The following VGLL3 variants were observed in gnomAD, a reference collection of about 807,000 sequenced individuals.
The protein encoded by VGLL3 is transcription cofactor vestigial-like protein 3.
A neutral mutation model predicts 29.2 loss-of-function variants in VGLL3; 18 were observed. That is an observed-to-expected ratio of 0.62 (90% CI 0.43 to 0.91). The LOEUF is 0.91. VGLL3 is among the 40% of genes least tolerant of loss of function. The probability of loss-of-function intolerance (pLI) is 0.00; values close to 1 mark genes in which losing one functional copy is unlikely to be tolerated. For missense variants in VGLL3, 440 were observed against 413.2 expected (o/e 1.06, Z -0.56); for synonymous variants, 180 against 151.8 (o/e 1.19, Z -1.36).
rs1312851962 is a variant in VGLL3 at position 86,941,440 on chromosome 3, C to T, written c.*5584G>A. 1 of 151,416 alleles carries T rather than the reference C, an allele frequency of 6.6e-6. No homozygotes were observed. Among genetic ancestry groups the T allele is most frequent in the East Asian group, 1.9e-4 (1 of 5,142 alleles). 9.4% of individuals were successfully genotyped at this position (151,416 alleles called of 1,614,324 possible). A position where few individuals can be genotyped will look rare whatever the true frequency, so the allele number is the denominator to read the frequency against. On this transcript the variant is annotated 3_prime_UTR_variant, in exon 4 of 4. Coordinates refer to ENST00000398399, the MANE Select transcript of VGLL3 (RefSeq NM_016206.4). The stretch of plus-strand genomic sequence containing the variant: ...TTATTCTTATGCCAAATTTAGTAGT[C>T]TAGAAATTGTTTTTTTTTTTAAAAA...
intron 1 of VGLL3, among the ~76,000 whole-genome samples, chr3:86,988,474 A>G (rs1053432032): frequency 2.6e-5 from 4 of 151,684 alleles, no homozygotes; most frequent in African/African-American, 9.7e-5. Flanking sequence ...CATAGTCTAA[A>G]AATGCTGTCA....
chr3:86,984,995 A>G (rs1705407408), intron 1 of VGLL3, among the ~76,000 whole-genome samples: 1 of 152,202 alleles, frequency 6.6e-6, no homozygotes, highest in Non-Finnish European at 1.5e-5. Context: ...AATAAAAAAG[A>G]ACTGAAATGG....
intron 3 of VGLL3, among the ~76,000 whole-genome samples, chr3:86,954,545 A>G (rs1399529888): frequency 1.3e-5 from 2 of 152,218 alleles, no homozygotes; most frequent in African/African-American, 4.8e-5. Flanking sequence ...CAGGATATAA[A>G]GTTACAAATC....
intron 2 of VGLL3, among the ~76,000 whole-genome samples, chr3:86,973,591 A>G (rs1898268): frequency 0.088 from 13,380 of 152,120 alleles, 1,559 homozygotes; most frequent in African/African-American, 0.27. Flanking sequence ...GTTTCAAGGG[A>G]TGATGTCAGA....
In VGLL3 at chr3:86,938,178, T is replaced by A. The variant is rs1197031267; in HGVS notation, c.*8846A>T. 1 of 152,150 alleles carries A rather than the reference T, an allele frequency of 6.6e-6. No homozygotes were observed. The highest frequency in any genetic ancestry group is 2.4e-5 in the African/African-American group (1 of 41,442). 9.4% of individuals were successfully genotyped at this position (152,150 alleles called of 1,614,324 possible). On this transcript the variant is annotated 3_prime_UTR_variant, in exon 4 of 4. Transcript: ENST00000398399. ...ATTGACACATAAAAGTTATATATAT[T>A]TAAGGTATACGATATGATGATTTGA...
intron 1 of VGLL3, among the ~76,000 whole-genome samples, chr3:86,987,146 C>T (rs1476544261): frequency 6.6e-6 from 1 of 152,116 alleles, no homozygotes; most frequent in African/African-American, 2.4e-5. Flanking sequence ...AAATCTTTAG[C>T]TAGGCATTTC....
intron 3 of VGLL3, among the ~76,000 whole-genome samples, chr3:86,954,913 A>G (rs1439245480): frequency 8.5e-5 from 13 of 152,108 alleles, no homozygotes; most frequent in Admixed American, 3.9e-4. Context: ...AAAAAAAAAA[A>G]AGCTTGGATC....
Position 86,968,091 on chromosome 3 carries a change from GA to G in VGLL3, c.937+498del, listed in dbSNP as rs1374666834. ...GAGGGGAGAGGAGGAAGAAAATGAAGAAAAAAATCATTCTTTTAAAATATGT... is the reference window on the plus strand; with the variant it reads ...GAGGGGAGAGGAGGAAGAAAATGAAGAAAAAATCATTCTTTTAAAATATGT... On this transcript the variant is annotated intron_variant, in intron 3 of 3. Coordinates refer to ENST00000398399, the MANE Select transcript of VGLL3 (RefSeq NM_016206.4). Among the ~76,000 whole-genome samples, 3 of 151,690 alleles carry G rather than the reference GA, an allele frequency of 2.0e-5. No individual in the cohort carries two copies. The East Asian group carries it at 5.8e-4, about 29-fold the overall frequency.
At chr3:86,987,841 C>T (rs919451376) in intron 1 of VGLL3, among the ~76,000 whole-genome samples, 1 of 152,164 alleles carries the variant, frequency 6.6e-6, no homozygotes, top group African/African-American at 2.4e-5. Flanking sequence ...TTTAAAATGA[C>T]ATTCACTTAT....
chr3:86,960,863 T>C (rs571711212), intron 3 of VGLL3, among the ~76,000 whole-genome samples: 1 of 151,458 alleles, frequency 6.6e-6, no homozygotes, highest in East Asian at 1.9e-4. Context: ...TACATCAACA[T>C]ATGTTTACTC....
intron 1 of VGLL3, among the ~76,000 whole-genome samples, chr3:86,983,436 G>A (rs1215088859): frequency 6.6e-6 from 1 of 152,110 alleles, no homozygotes; most frequent in Non-Finnish European, 1.5e-5. Flanking sequence ...TCATTGCCCA[G>A]GCTGGAGTGC....
At chr3:86,959,675 A>T (rs1704798506) in intron 3 of VGLL3, among the ~76,000 whole-genome samples, 1 of 152,124 alleles carries the variant, frequency 6.6e-6, no homozygotes. Flanking sequence ...GGTTTCCTTT[A>T]GTCCTTTTTG....
chr3:86,957,248 C>T (rs144236607), intron 3 of VGLL3, among the ~76,000 whole-genome samples: 4 of 152,234 alleles, frequency 2.6e-5, no homozygotes, highest in Admixed American at 6.5e-5. Context: ...TTTCACTGCA[C>T]GGCCAATATC....
chr3:86,974,063 A>G (rs1705158930), intron 2 of VGLL3, among the ~76,000 whole-genome samples: 1 of 152,122 alleles, frequency 6.6e-6, no homozygotes, highest in African/African-American at 2.4e-5. Context: ...GGAGAAGGGT[A>G]TCAAGAAACA....
At chr3:86,982,780 A>G (rs145673426) in intron 1 of VGLL3, among the ~76,000 whole-genome samples, 1 of 152,366 alleles carries the variant, frequency 6.6e-6, no homozygotes, top group Non-Finnish European at 1.5e-5. Context: ...GATTTTAAAG[A>G]CTACAAGTTG....
At chr3:86,985,021 C>T (rs764873092) in intron 1 of VGLL3, among the ~76,000 whole-genome samples, 1 of 152,048 alleles carries the variant, frequency 6.6e-6, no homozygotes, top group South Asian at 2.1e-4. Context: ...AAGATTTGAC[C>T]GAAACTATTT....
chr3:86,965,317 G>A (rs1704935481), intron 3 of VGLL3, among the ~76,000 whole-genome samples: 1 of 152,130 alleles, frequency 6.6e-6, no homozygotes, highest in East Asian at 1.9e-4. Context: ...ACTGTATGAA[G>A]GTTCTTCTCT....
intron 3 of VGLL3, among the ~76,000 whole-genome samples, chr3:86,965,093 G>T (rs1411700782): frequency 6.6e-6 from 1 of 151,706 alleles, no homozygotes; most frequent in Non-Finnish European, 1.5e-5. Flanking sequence ...GGAAGTGAAG[G>T]TTGCGGTGAG....
intron 2 of VGLL3, among the ~76,000 whole-genome samples, chr3:86,973,570 C>G (rs1705149523): frequency 6.6e-6 from 1 of 152,128 alleles, no homozygotes. Context: ...CCTTGTGACT[C>G]TACAATGAGA....
Sources: gnomAD v4.1 joint callset for allele counts (sites outside exome capture counted in the v4.1 genomes callset) on GRCh38, gnomAD v4.1.1 for gene constraint, MANE v1.5 for transcripts, NCBI Gene and HGNC (gene_info 2026-07-23, HGNC 2026-07-21) for gene names.